Variants in NECAB1 observed in about 807,000 individuals in gnomAD.
The protein encoded by NECAB1 is N-terminal EF-hand calcium binding protein 1.
A neutral mutation model predicts 57.5 loss-of-function variants in NECAB1; 29 were observed. The observed-to-expected ratio is 0.50, with a 90% CI of 0.38 to 0.69. The LOEUF (loss-of-function observed/expected upper bound fraction) is 0.69, where lower values mean the gene tolerates loss of function less well. NECAB1 is among the 30% of genes least tolerant of loss of function. The pLI is 0.00. For synonymous variants in NECAB1, 142 were observed against 147.7 expected (o/e 0.96, Z 0.28); for missense variants, 372 against 413.8 (o/e 0.90, Z 0.88).
At position 90,928,239 on chromosome 8, in the gene NECAB1, C is replaced by A. The variant is rs1233768469; in HGVS notation, c.633C>A (p.Asp211Glu). The A allele has an allele frequency of 6.2e-7, 1 of 1,609,110 alleles. No individual in the cohort carries two copies. Among genetic ancestry groups the A allele is most frequent in the Admixed American group, 1.7e-5 (1 of 58,976 alleles). ...TGGCCCCAGGCTTATTAGAAGAAGA[C>A]AACCAGTGGATGACCCAGATAAATA... is the stretch of plus-strand genomic sequence containing the variant. ...NVSGPGLLEE[D>E]NQWMTQINRL... Residue 211 changes from aspartate to glutamate, a missense_variant, in exon 8 of 13, where the codon GAC becomes GAA. Asp to Glu is a conservative substitution (Grantham distance 45). Transcript: ENST00000417640.
intron 5 of NECAB1, among the ~76,000 whole-genome samples, chr8:90,910,064 T>C (rs781206716): frequency 2.7e-4 from 41 of 152,108 alleles, no homozygotes; most frequent in Non-Finnish European, 4.1e-4. Flanking sequence ...TTACATGTAA[T>C]GTTTATTTGT....
chr8:90,923,456 A>T (rs866765120), intron 6 of NECAB1, among the ~76,000 whole-genome samples: 1 of 152,238 alleles, frequency 6.6e-6, no homozygotes, highest in African/African-American at 2.4e-5. Context: ...AACAATGCCA[A>T]TGGTCAAGGT....
rs1012394037 is a variant in NECAB1, at chr8:90,955,509, C to T, written c.1053C>T (p.Asn351=). Residue 351 remains asparagine (N), a synonymous_variant, in exon 13 of 13, where the codon AAC becomes AAT. Coordinates refer to ENST00000417640, the MANE Select transcript of NECAB1 (RefSeq NM_022351.5). ...CAGCTTCGTGGTGGATCCTGAACAA[C>T]TAGATGTTCCTAGACATTTTCTTTA... ...LVPASWWILN[N] 2 of 1,554,298 alleles carry T rather than the reference C, an allele frequency of 1.3e-6. No individual in the cohort carries two copies. The highest frequency in any genetic ancestry group is 2.4e-5 in the East Asian group (1 of 42,296).
intron 3 of NECAB1, among the ~76,000 whole-genome samples, chr8:90,830,121 T>C (rs995223901): frequency 6.6e-6 from 1 of 151,940 alleles, no homozygotes; most frequent in Admixed American, 6.6e-5. Context: ...CTGTGGGCAG[T>C]AGAAAAAGAA....
chr8:90,861,094 C>T (rs929621333), intron 3 of NECAB1, among the ~76,000 whole-genome samples: 6 of 152,116 alleles, frequency 3.9e-5, no homozygotes, highest in African/African-American at 9.7e-5. Flanking sequence ...ATATAACATT[C>T]GGTAACAGTC....
chr8:90,835,840 T>G (rs1812363111), intron 3 of NECAB1, among the ~76,000 whole-genome samples: 1 of 152,208 alleles, frequency 6.6e-6, no homozygotes, highest in Non-Finnish European at 1.5e-5. Flanking sequence ...AAAAAGGATA[T>G]TTTGATTTGA....
In NECAB1 at chr8:90,834,481, A is replaced by G. The variant is rs78874378; in HGVS notation, c.233+9656A>G. Among the ~76,000 whole-genome samples the G allele has an allele frequency of 2.0e-3, 304 of 152,270 alleles. 1 individual carries two copies. Among genetic ancestry groups the G allele is most frequent in the African/African-American group, 7.1e-3 (294 of 41,566 alleles). On this transcript the variant is annotated intron_variant, in intron 3 of 12. Coordinates refer to ENST00000417640, the MANE Select transcript of NECAB1 (RefSeq NM_022351.5). ...CTGAAGGAGCTTGTGTGTCCCTTCC[A>G]CTTATGTAAGGATACATAGAAAGTG...
intron 3 of NECAB1, among the ~76,000 whole-genome samples, chr8:90,834,472 G>A (rs1470017664): frequency 6.6e-6 from 1 of 152,110 alleles, no homozygotes; most frequent in Non-Finnish European, 1.5e-5. Context: ...GAGCTTGTGT[G>A]TCCCTTCCAC....
intron 3 of NECAB1, among the ~76,000 whole-genome samples, chr8:90,856,498 C>A (rs904439792): frequency 6.6e-6 from 1 of 151,942 alleles, no homozygotes; most frequent in Non-Finnish European, 1.5e-5. Flanking sequence ...CTTCTTTAAA[C>A]AATAACAAAA....
intron 1 of NECAB1, among the ~76,000 whole-genome samples, chr8:90,798,089 A>G (rs1183178096): frequency 6.6e-6 from 1 of 152,122 alleles, no homozygotes; most frequent in East Asian, 1.9e-4. Context: ...TTCTGATGGC[A>G]CCTGTCAGTA....
At chr8:90,915,207 T>C (rs1358279779) in intron 5 of NECAB1, among the ~76,000 whole-genome samples, 1 of 152,160 alleles carries the variant, frequency 6.6e-6, no homozygotes, top group Non-Finnish European at 1.5e-5. Context: ...TTATCTTCAT[T>C]TTAATAAATT....
At chr8:90,802,326 A>G (rs907058510) in intron 2 of NECAB1, among the ~76,000 whole-genome samples, 1 of 152,226 alleles carries the variant, frequency 6.6e-6, no homozygotes, top group Non-Finnish European at 1.5e-5. Context: ...CGAAGTAAAA[A>G]CTTGCTCTGT....
chr8:90,897,065 A>C (rs1275602290), intron 5 of NECAB1, among the ~76,000 whole-genome samples: 1 of 104,148 alleles, frequency 9.6e-6, no homozygotes, highest in Admixed American at 9.9e-5. Context: ...TGCTGAGAAA[A>C]AGAAAATTTA....
intron 2 of NECAB1, among the ~76,000 whole-genome samples, chr8:90,820,377 C>G (rs1812125435): frequency 6.6e-6 from 1 of 151,830 alleles, no homozygotes; most frequent in Non-Finnish European, 1.5e-5. Flanking sequence ...ATGTAAAGGT[C>G]AGAATAGGAG....
chr8:90,883,017 A>T (rs1050723656), intron 5 of NECAB1, among the ~76,000 whole-genome samples: 1 of 152,186 alleles, frequency 6.6e-6, no homozygotes, highest in Non-Finnish European at 1.5e-5. Flanking sequence ...CTCTAATAGG[A>T]AGAAAAAAAC....
intron 4 of NECAB1, among the ~76,000 whole-genome samples, chr8:90,876,413 A>G (rs1427885846): frequency 6.6e-6 from 1 of 151,978 alleles, no homozygotes; most frequent in East Asian, 1.9e-4. Context: ...TACCTAGTCT[A>G]CTACTTGAGA....
intron 3 of NECAB1, among the ~76,000 whole-genome samples, chr8:90,826,424 C>T (rs78776358): frequency 0.016 from 2,474 of 152,034 alleles, 76 homozygotes; most frequent in African/African-American, 0.057. Context: ...TAATAGTTGA[C>T]TCCTTAAATC....
intron 3 of NECAB1, among the ~76,000 whole-genome samples, chr8:90,827,190 C>T (rs998774712): frequency 6.6e-6 from 1 of 151,954 alleles, no homozygotes; most frequent in Non-Finnish European, 1.5e-5. Context: ...TTATTTTCTC[C>T]TTCCACTCAC....
intron 3 of NECAB1, among the ~76,000 whole-genome samples, chr8:90,846,658 G>T (rs918284469): frequency 6.6e-6 from 1 of 152,216 alleles, no homozygotes; most frequent in African/African-American, 2.4e-5. Flanking sequence ...AGAAAAAGAG[G>T]TTTAATGGAT....
Sources: gnomAD v4.1 joint callset for allele counts (sites outside exome capture counted in the v4.1 genomes callset) on GRCh38, gnomAD v4.1.1 for gene constraint, MANE v1.5 for transcripts, NCBI Gene and HGNC (gene_info 2026-07-23, HGNC 2026-07-21) for gene names.